Variants in NTN4 observed in about 807,000 individuals in gnomAD.
NTN4 encodes netrin 4.
Under a neutral mutation model 73.6 loss-of-function variants are expected in NTN4, and 32 were observed. The observed-to-expected ratio is 0.44, with a 90% CI of 0.33 to 0.58. The LOEUF (loss-of-function observed/expected upper bound fraction) is 0.58, where lower values mean the gene tolerates loss of function less well. Among genes scored for constraint, NTN4 ranks in the 20% least tolerant of loss-of-function variants. The pLI, the probability that NTN4 is intolerant of heterozygous loss-of-function variation, is 0.04. For synonymous variants in NTN4, 258 were observed against 287.5 expected, an observed-to-expected ratio of 0.90 and a Z score of 1.04; for missense variants, 654 against 798.3, an observed-to-expected ratio of 0.82 and a Z score of 2.18.
rs142642467 is a variant in NTN4 at position 95,775,320 on chromosome 12, G to A, written c.585+11619C>T. On this transcript the variant is annotated intron_variant, in intron 2 of 9. Coordinates refer to ENST00000343702, the MANE Select transcript of NTN4 (RefSeq NM_021229.4). Reference sequence around the variant, plus strand: ...TACCGGGTTCATCTCACTGGGGCTTGTTGGACAGTGGGTGCAGGACAGTGG... The same window carrying A: ...TACCGGGTTCATCTCACTGGGGCTTATTGGACAGTGGGTGCAGGACAGTGG... Among the ~76,000 whole-genome samples, 741 of 152,306 alleles carry A rather than the reference G, an allele frequency of 4.9e-3. 10 individuals carry two copies. Among genetic ancestry groups the A allele is most frequent in the African/African-American group, 0.017 (722 of 41,570 alleles).
rs1454896864 is a variant in NTN4, at chr12:95,725,006, A to AGGATTTTTTTTTTTTTTTT, written c.865-11669_865-11668insAAAAAAAAAAAAAAAATCC. On this transcript the variant is annotated intron_variant, in intron 3 of 9. Transcript: ENST00000343702. ...ATCTTAGAACAGTGATGTCATCAGG[A>AGGATTTTTTTTTTTTTTTT]TTTTTTTTTTTTTTTTGCTTCCCAC... 8.8e-5 allele frequency among the ~76,000 whole-genome samples: 12 copies of AGGATTTTTTTTTTTTTTTT among 135,850 alleles called. 6 individuals are homozygous for AGGATTTTTTTTTTTTTTTT. Among genetic ancestry groups the AGGATTTTTTTTTTTTTTTT allele is most frequent in the Non-Finnish European group, 1.9e-4 (12 of 62,460 alleles). The allele number at this position is 135,850 out of a possible 152,430, so 89.1% of individuals were successfully genotyped here.
At chr12:95,726,914 G>A (rs183499882) in intron 3 of NTN4, among the ~76,000 whole-genome samples, 162 of 152,182 alleles carry the variant, frequency 1.1e-3, no homozygotes, top group South Asian at 9.1e-3. Flanking sequence ...GGCTTGCAGT[G>A]AGTGGAGATT....
At chr12:95,780,603 A>G (rs2079125277) in intron 2 of NTN4, among the ~76,000 whole-genome samples, 1 of 152,214 alleles carries the variant, frequency 6.6e-6, no homozygotes, top group South Asian at 2.1e-4. Flanking sequence ...GCAATGAGAT[A>G]CCATCTCACA....
chr12:95,790,928 C>CGGCG (rs1555222864), upstream of NTN4, among the ~76,000 whole-genome samples: 3 of 117,136 alleles, frequency 2.6e-5, 1 homozygote, highest in East Asian at 7.2e-4. This position sits in a 1 kb window ranked among gnomAD's most constrained non-coding sequence, Gnocchi z 6.5. Flanking sequence ...CGCTGCCGCC[C>CGGCG]GGGGGGGGGG....
chr12:95,755,593 A>T (rs1057390073), intron 2 of NTN4, among the ~76,000 whole-genome samples: 4 of 152,220 alleles, frequency 2.6e-5, no homozygotes, highest in Non-Finnish European at 4.4e-5. Flanking sequence ...GTTTCATCAG[A>T]TAGCCCACCC....
At chr12:95,748,081 A>G (rs553369005) in intron 2 of NTN4, among the ~76,000 whole-genome samples, 18 of 151,926 alleles carry the variant, frequency 1.2e-4, no homozygotes, top group African/African-American at 4.1e-4. Context: ...AATACGAAAC[A>G]TTAGCTAGGC....
At chr12:95,749,182 ACT>A (rs2078885088) in intron 2 of NTN4, among the ~76,000 whole-genome samples, 1 of 151,398 alleles carries the variant, frequency 6.6e-6, no homozygotes, top group East Asian at 1.9e-4. Flanking sequence ...CCCTTCGCTG[ACT>A]CTCTTTTTGG....
intron 4 of NTN4, among the ~76,000 whole-genome samples, chr12:95,712,317 C>CA (rs1484565898): frequency 6.6e-6 from 1 of 151,936 alleles, no homozygotes; most frequent in African/African-American, 2.4e-5. Context: ...TCTTTCATTT[C>CA]AAGCATCATA....
chr12:95,676,012 T>C (rs1227656938), intron 7 of NTN4, among the ~76,000 whole-genome samples: 1 of 152,218 alleles, frequency 6.6e-6, no homozygotes, highest in Non-Finnish European at 1.5e-5. Flanking sequence ...TTAAGTGACC[T>C]AGAAATGAAT....
chr12:95,708,494 A>T (rs2078538213), intron 5 of NTN4, among the ~76,000 whole-genome samples: 1 of 151,814 alleles, frequency 6.6e-6, no homozygotes, highest in African/African-American at 2.4e-5. Flanking sequence ...TCACCGTGTT[A>T]GCCAGGATGG....
chr12:95,770,751 A>G (rs1446162766), intron 2 of NTN4, among the ~76,000 whole-genome samples: 3 of 152,216 alleles, frequency 2.0e-5, no homozygotes, highest in Non-Finnish European at 2.9e-5. Context: ...TGTCAGCACA[A>G]ATGAACATGA....
At chr12:95,779,090 C>T (rs2079114313) in intron 2 of NTN4, among the ~76,000 whole-genome samples, 1 of 152,132 alleles carries the variant, frequency 6.6e-6, no homozygotes, top group African/African-American at 2.4e-5. Flanking sequence ...CAGAAAAGGC[C>T]TTTGACAAAA....
In NTN4 at chr12:95,785,342, A is replaced by T. The variant is rs190926427; in HGVS notation, c.585+1597T>A. On this transcript the variant is annotated intron_variant, in intron 2 of 9. Coordinates refer to ENST00000343702, the MANE Select transcript of NTN4 (RefSeq NM_021229.4). ...AAGCCATTCATTTGTTTTCAGCACA[A>T]AGTGTTCTCCACATAACAAAACAAT... 7.1e-4 allele frequency among the ~76,000 whole-genome samples: 108 copies of T among 152,354 alleles called. 3 individuals are homozygous for T. In the Middle Eastern group the frequency reaches 0.014, roughly 19 times the overall value.
At chr12:95,678,060 A>C (rs1027925390) in intron 7 of NTN4, among the ~76,000 whole-genome samples, 1 of 152,230 alleles carries the variant, frequency 6.6e-6, no homozygotes, top group Admixed American at 6.5e-5. Context: ...GCTGGAAGCC[A>C]TCATTCTCAG....
chr12:95,736,435 C>T (rs879884620), intron 3 of NTN4, among the ~76,000 whole-genome samples: 14 of 152,164 alleles, frequency 9.2e-5, no homozygotes, highest in African/African-American at 1.7e-4. Flanking sequence ...AAGAGACAGT[C>T]GAGGAAACAA....
intron 5 of NTN4, among the ~76,000 whole-genome samples, chr12:95,701,573 T>G (rs147712222): frequency 1.3e-5 from 2 of 152,252 alleles, no homozygotes; most frequent in African/African-American, 2.4e-5. Context: ...CTGATTAAGG[T>G]TGAAATAAAG....
At chr12:95,754,779 C>T (rs996889078) in intron 2 of NTN4, among the ~76,000 whole-genome samples, 1 of 152,202 alleles carries the variant, frequency 6.6e-6, no homozygotes, top group African/African-American at 2.4e-5. Context: ...ACCCCATCTC[C>T]CTTCACTGAC....
At chr12:95,705,006 C>T (rs2078512846) in intron 5 of NTN4, among the ~76,000 whole-genome samples, 1 of 152,188 alleles carries the variant, frequency 6.6e-6, no homozygotes, top group African/African-American at 2.4e-5. Flanking sequence ...TATTTGTTAA[C>T]TAGGAATGAT....
At chr12:95,664,984 C>T (rs1005364298) in intron 9 of NTN4, among the ~76,000 whole-genome samples, 8 of 151,948 alleles carry the variant, frequency 5.3e-5, no homozygotes, top group African/African-American at 1.9e-4. Context: ...CAGGGAGATG[C>T]AGAGGATTTT....
Sources: allele counts gnomAD v4.1 joint callset (sites outside exome capture counted in the v4.1 genomes callset), GRCh38; gene constraint gnomAD v4.1.1; non-coding constraint Gnocchi (gnomAD v3.1); transcripts MANE v1.5; gene names NCBI Gene and HGNC (gene_info 2026-07-23, HGNC 2026-07-21).